Variants in NISCH observed in about 807,000 individuals in gnomAD.
NISCH encodes nischarin.
In NISCH, 55 loss-of-function variants were observed where a neutral mutation model predicts 138.4. The observed-to-expected ratio is 0.40, with a 90% CI of 0.32 to 0.50. The LOEUF (loss-of-function observed/expected upper bound fraction) is 0.50, where lower values mean the gene tolerates loss of function less well. Ranked by LOEUF, NISCH falls within the 20% of genes least tolerant of loss-of-function variation. The pLI, the probability that NISCH is intolerant of heterozygous loss-of-function variation, is 0.71. For synonymous variants in NISCH, 860 were observed against 861.5 expected, an observed-to-expected ratio of 1.00 and a Z score of 0.03; for missense variants, 1,643 against 2,005.5, an observed-to-expected ratio of 0.82 and a Z score of 3.45.
Position 52,485,811 on chromosome 3 carries a change from G to C in NISCH, c.1687G>C (p.Ala563Pro). ...CGATGATTTAAGGGACGTGCCAGGAGCTGTTGGTGGTGCAAGGTAAGGAAG... is the reference window on the plus strand; with the variant it reads ...CGATGATTTAAGGGACGTGCCAGGACCTGTTGGTGGTGCAAGGTAAGGAAG... ...ASDDLRDVPG[A>P]VGGASPEHAE... Residue 563 changes from alanine (A) to proline (P), a missense_variant, in exon 15 of 21, where the codon GCT becomes CCT. By Grantham distance (27) the Ala-to-Pro change is conservative. Coordinates refer to ENST00000345716, the MANE Select transcript of NISCH (RefSeq NM_007184.4). 6.3e-7 allele frequency: 1 copy of C among 1,580,984 alleles called. No homozygotes were observed. Among genetic ancestry groups the C allele is most frequent in the Non-Finnish European group, 8.6e-7 (1 of 1,161,894 alleles).
rs371308963 is a variant in NISCH, at chr3:52,492,518, C to T, written c.*36C>T. On this transcript the variant is annotated 3_prime_UTR_variant, in exon 21 of 21. Transcript: ENST00000345716. ...AGCCAGCCTGTCGTGTCCAGCCTGA[C>T]GCCTACTGGGGCAGGGCAGCAGGCT... 622 of 1,544,522 alleles carry T rather than the reference C, an allele frequency of 4.0e-4. No individual in the cohort carries two copies. The highest frequency in any genetic ancestry group is 5.3e-4 in the Non-Finnish European group (607 of 1,148,764).
chr3:52,469,805 CTT>C (rs1240887243), intron 3 of NISCH, among the ~76,000 whole-genome samples: 1 of 151,872 alleles, frequency 6.6e-6, no homozygotes, highest in Non-Finnish European at 1.5e-5. Flanking sequence ...CTACCAACTA[CTT>C]GGGAGGCTGA....
intron 13 of NISCH, chr3:52,480,934 G>A (rs1048444200): frequency 5.9e-6 from 9 of 1,530,424 alleles, no homozygotes; most frequent in Non-Finnish European, 6.1e-6. Context: ...TGCTGGCCCG[G>A]CCCCCACGGA....
chr3:52,470,887 C>T lies in NISCH; in HGVS notation c.389C>T (p.Ala130Val). Residue 130 changes from alanine to valine, a missense_variant, in exon 4 of 21, where the codon GCT becomes GTT. Coordinates refer to ENST00000345716, the MANE Select transcript of NISCH (RefSeq NM_007184.4). ...ATAAATGGCATCACCGCGGCACTGG[C>T]TGAAGAGCTCTTTGAGAAAGGTATG... ...YEINGITAALAEELFEKGEQL... is the reference protein window; with the variant it reads ...YEINGITAALVEELFEKGEQL... 6.2e-7 allele frequency: 1 copy of T among 1,614,110 alleles called. No individual in the cohort carries two copies.
chr3:52,474,177 G>C (rs1004858647), intron 7 of NISCH, among the ~76,000 whole-genome samples: 4 of 152,194 alleles, frequency 2.6e-5, no homozygotes, highest in Admixed American at 2.6e-4. Context: ...ACAGTGGTAT[G>C]ATCTCAGCTC....
At chr3:52,480,677 T>C in intron 13 of NISCH, 1 of 1,422,144 alleles carries the variant, frequency 7.0e-7, no homozygotes. Context: ...CTTGTGACTT[T>C]ACTGTCTGGA....
At chr3:52,464,670 G>A (rs1043946712) in intron 3 of NISCH, among the ~76,000 whole-genome samples, 11 of 151,564 alleles carry the variant, frequency 7.3e-5, no homozygotes, top group Non-Finnish European at 1.2e-4. Flanking sequence ...GACTACAGGC[G>A]TACGCAACCA....
chr3:52,476,181 G>A, intron 7 of NISCH: 1 of 424,206 alleles, frequency 2.4e-6, no homozygotes, highest in Non-Finnish European at 4.3e-6. Context: ...GGTCACCAGG[G>A]CAAAGGCCCT....
intron 14 of NISCH, among the ~76,000 whole-genome samples, 165 bp from the exon 15 acceptor site, chr3:52,485,609 AGAGT>A (rs1707381475): frequency 6.6e-6 from 1 of 152,044 alleles, no homozygotes; most frequent in Non-Finnish European, 1.5e-5. Flanking sequence ...CTTGGGTCCC[AGAGT>A]GGGCCCCAGG....
chr3:52,481,961 C>T (rs1707287969), intron 13 of NISCH: 1 of 974,654 alleles, frequency 1.0e-6, no homozygotes, highest in African/African-American at 1.8e-5. Flanking sequence ...AGATCGGACC[C>T]CTAAGGACTC....
chr3:52,478,329 G>A, intron 10 of NISCH, 47 bp downstream of exon 10: 1 of 1,608,198 alleles, frequency 6.2e-7, no homozygotes, highest in Non-Finnish European at 8.5e-7. Flanking sequence ...GCCTTGGTGT[G>A]TATCATGTTA....
intron 3 of NISCH, among the ~76,000 whole-genome samples, chr3:52,461,065 C>T (rs1706618479): frequency 6.6e-6 from 1 of 152,140 alleles, no homozygotes; most frequent in African/African-American, 2.4e-5. Flanking sequence ...CATAGCGAAA[C>T]CCTGTCGCTA....
At chr3:52,480,000 C>A in intron 12 of NISCH, 138 bp downstream of exon 12, 1 of 943,156 alleles carries the variant, frequency 1.1e-6, no homozygotes, top group Non-Finnish European at 1.6e-6. Context: ...TGACCTCGGG[C>A]AAGTCGCGGC....
At chr3:52,462,408 G>T (rs752902238) in intron 3 of NISCH, among the ~76,000 whole-genome samples, 1 of 152,160 alleles carries the variant, frequency 6.6e-6, no homozygotes, top group South Asian at 2.1e-4. Context: ...TGTCCCACTG[G>T]GGGGCAAAAT....
At chr3:52,461,538 A>C (rs1488691299) in intron 3 of NISCH, among the ~76,000 whole-genome samples, 1 of 152,172 alleles carries the variant, frequency 6.6e-6, no homozygotes, top group Non-Finnish European at 1.5e-5. Flanking sequence ...AGTCTTTCAG[A>C]TAAACTTTAC....
At chr3:52,482,194 G>A (rs1359797819) in intron 13 of NISCH, among the ~76,000 whole-genome samples, 1 of 152,214 alleles carries the variant, frequency 6.6e-6, no homozygotes, top group African/African-American at 2.4e-5. Flanking sequence ...GGTCTTGCCT[G>A]GATGGACAGG....
At chr3:52,467,304 T>A (rs765450600) in intron 3 of NISCH, among the ~76,000 whole-genome samples, 34 of 151,992 alleles carry the variant, frequency 2.2e-4, no homozygotes, top group South Asian at 6.2e-4. Context: ...CAGCCGAGAA[T>A]GTCCTTCAAA....
chr3:52,468,684 G>A (rs1175972146), intron 3 of NISCH, among the ~76,000 whole-genome samples: 1 of 152,034 alleles, frequency 6.6e-6, no homozygotes, highest in Non-Finnish European at 1.5e-5. Context: ...ATTCGGCCCT[G>A]CACCCTGCCG....
chr3:52,460,367 T>G (rs1473877990), intron 3 of NISCH, among the ~76,000 whole-genome samples: 1 of 151,424 alleles, frequency 6.6e-6, no homozygotes, highest in Non-Finnish European at 1.5e-5. Flanking sequence ...AAATGCAACT[T>G]TCTTAAGCAG....
Sources: allele counts gnomAD v4.1 joint callset (sites outside exome capture counted in the v4.1 genomes callset), GRCh38; gene constraint gnomAD v4.1.1; transcripts MANE v1.5; gene names NCBI Gene and HGNC (gene_info 2026-07-23, HGNC 2026-07-21).